PCDH15: variants seen among roughly 807,000 people sequenced by gnomAD.
PCDH15 encodes protocadherin related 15, also known as protocadherin-15.
Under a neutral mutation model 178.5 loss-of-function variants are expected in PCDH15, and 129 were observed. The ratio of observed to expected loss-of-function variants is 0.72; its 90% CI spans 0.63 to 0.84. The LOEUF is 0.84. PCDH15 is among the 40% of genes least tolerant of loss of function. PCDH15 has a pLI of 0.00. For synonymous variants in PCDH15, 800 were observed against 732.0 expected, an observed-to-expected ratio of 1.09 and a Z score of -1.50; for missense variants, 2,230 against 2,099.9, an observed-to-expected ratio of 1.06 and a Z score of -1.21.
At chr10:55,463,997 GAA>G (rs1491488102) in intron 2 of PCDH15, among the ~76,000 whole-genome samples, 4 of 18,564 alleles carry the variant, frequency 2.2e-4, no homozygotes, top group South Asian at 2.0e-3. Flanking sequence ...GAAAGAGAAA[GAA>G]AGAAAGAAAG....
intron 3 of PCDH15, among the ~76,000 whole-genome samples, chr10:54,402,813 T>C (rs1307032898): frequency 6.6e-6 from 1 of 151,940 alleles, no homozygotes. Flanking sequence ...TCTTTCTCCA[T>C]CTCTTCAGGC....
intron 1 of PCDH15, among the ~76,000 whole-genome samples, chr10:54,690,370 A>G (rs2095099089): frequency 7.1e-6 from 1 of 140,082 alleles, no homozygotes; most frequent in Non-Finnish European, 1.5e-5. Context: ...GCTGGAGTGC[A>G]GTGGCACCAT....
intron 2 of PCDH15, among the ~76,000 whole-genome samples, chr10:54,915,994 A>G (rs1157599193): frequency 6.6e-6 from 1 of 151,992 alleles, no homozygotes; most frequent in African/African-American, 2.4e-5. Context: ...GTGCCTGGCT[A>G]ATTTTTGTAT....
At chr10:53,821,398 A>G (rs1257969651) in intron 32 of PCDH15, 2 of 996,562 alleles carry the variant, frequency 2.0e-6, no homozygotes, top group South Asian at 4.3e-5. Flanking sequence ...TACCAAATAC[A>G]TAGGCTTCAA....
intron 2 of PCDH15, among the ~76,000 whole-genome samples, chr10:55,476,539 C>T (rs1259098880): frequency 6.6e-6 from 1 of 151,852 alleles, no homozygotes; most frequent in Non-Finnish European, 1.5e-5. Flanking sequence ...TGTTGCCATG[C>T]ATATAAAATA....
chr10:53,810,298 T>A lies in PCDH15; in HGVS notation c.4671+258A>T, dbSNP rs192152454. ...TATCTTTATGGAGCAAGATTTAGAA[T>A]TTTAGAAAACATAATTTTCATTGTG... On this transcript the variant is annotated intron_variant, in intron 37 of 37. Transcript: ENST00000644397. 1.6e-4 allele frequency among the ~76,000 whole-genome samples: 24 copies of A among 152,264 alleles called. No individual in the cohort carries two copies. In the East Asian group the frequency reaches 4.1e-3, roughly 26 times the overall value.
chr10:55,304,384 TAATTATTTGAGTTCC>T (rs2132281538), intron 1 of PCDH15, among the ~76,000 whole-genome samples: 1 of 152,318 alleles, frequency 6.6e-6, no homozygotes, highest in Non-Finnish European at 1.5e-5. Flanking sequence ...ACTGCACTGT[TAATTATTTGAGTTCC>T]ATGGTTCCTA....
chr10:54,527,895 C>T lies in PCDH15; in HGVS notation c.92-18G>A. ...TTTGCAATCTAAAGAGAGAAAATAACCAAAAGTAATAATTGACTGCAGGGG... is the reference window on the plus strand; with the variant it reads ...TTTGCAATCTAAAGAGAGAAAATAATCAAAAGTAATAATTGACTGCAGGGG... On this transcript the variant is annotated intron_variant, in intron 2 of 37. Transcript: ENST00000644397. The T allele has an allele frequency of 1.3e-6, 2 of 1,595,028 alleles. No individual in the cohort carries two copies. Among genetic ancestry groups the T allele is most frequent in the Non-Finnish European group, 1.7e-6 (2 of 1,163,452 alleles).
chr10:55,287,559 CAG>C (rs1030340397), intron 1 of PCDH15, among the ~76,000 whole-genome samples: 5 of 152,164 alleles, frequency 3.3e-5, no homozygotes, highest in African/African-American at 1.2e-4. Context: ...GAGTTGCATT[CAG>C]AGTAAGCTAG....
At position 54,417,375 on chromosome 10, in the gene PCDH15, G is replaced by A. The variant is rs148935645; in HGVS notation, c.158-38433C>T. Among the ~76,000 whole-genome samples, 939 of 152,010 alleles carry A rather than the reference G, an allele frequency of 6.2e-3. 3 individuals carry two copies. Among genetic ancestry groups the A allele is most frequent in the Non-Finnish European group, 9.4e-3 (642 of 68,018 alleles). On this transcript the variant is annotated intron_variant, in intron 3 of 37. Transcript: ENST00000644397. ...GAGATCTTAGTCTAGCATAAATGAC[G>A]AAATGGGGAGTGATAGAATAGAAAA...
At chr10:54,360,045 G>C (rs138963777) in intron 5 of PCDH15, among the ~76,000 whole-genome samples, 112 of 152,168 alleles carry the variant, frequency 7.4e-4, no homozygotes, top group African/African-American at 2.0e-3. Context: ...GTTTTCGTCT[G>C]AATAAACCTA....
Position 53,837,075 on chromosome 10 carries a change from C to T in PCDH15, c.3983+3245G>A, listed in dbSNP as rs111995448. ...AGTAAATATTATTCACACTAAAATA[C>T]AAAGAAAAAACTGTGTGTCTATGTG... is the stretch of plus-strand genomic sequence containing the variant. On this transcript the variant is annotated intron_variant, in intron 29 of 37. Transcript: ENST00000644397. 6.1e-3 allele frequency among the ~76,000 whole-genome samples: 705 copies of T among 114,958 alleles called. 13 individuals are homozygous for T. Among genetic ancestry groups the T allele is most frequent in the African/African-American group, 0.022 (652 of 29,822 alleles). The allele number at this position is 114,958 out of a possible 152,430, so 75.4% of individuals were successfully genotyped here. A position where few individuals can be genotyped will look rare whatever the true frequency, so the allele number is the denominator to read the frequency against.
chr10:54,974,356 TATG>T (rs1839014299), intron 2 of PCDH15, among the ~76,000 whole-genome samples: 1 of 152,026 alleles, frequency 6.6e-6, no homozygotes, highest in Non-Finnish European at 1.5e-5. Flanking sequence ...ATACATGATA[TATG>T]TATGCATATA....
intron 8 of PCDH15, among the ~76,000 whole-genome samples, chr10:54,304,807 A>G (rs1216041331): frequency 6.6e-6 from 1 of 152,076 alleles, no homozygotes; most frequent in Non-Finnish European, 1.5e-5. Flanking sequence ...AGCATCATGA[A>G]CTAACATCAC....
chr10:55,483,169 A>G (rs117601512), intron 2 of PCDH15, among the ~76,000 whole-genome samples: 2,761 of 151,998 alleles, frequency 0.018, 138 homozygotes, highest in Admixed American at 0.095. Context: ...GCACAGCAAA[A>G]GAAACTGTCA....
intron 29 of PCDH15, among the ~76,000 whole-genome samples, chr10:53,838,588 C>T (rs2077448623): frequency 1.3e-5 from 2 of 151,988 alleles, no homozygotes; most frequent in African/African-American, 4.8e-5. Flanking sequence ...ACACCCTAAA[C>T]TCAATCAATC....
chr10:55,583,021 A>C (rs1842654981), intron 2 of PCDH15, among the ~76,000 whole-genome samples: 1 of 152,064 alleles, frequency 6.6e-6, no homozygotes, highest in African/African-American at 2.4e-5. Context: ...CTTCTCCATA[A>C]ATTTTTGACC....
chr10:54,270,033 T>C (rs1402064599), intron 8 of PCDH15, among the ~76,000 whole-genome samples: 5 of 152,076 alleles, frequency 3.3e-5, no homozygotes, highest in African/African-American at 1.2e-4. Flanking sequence ...TTATCTTTGA[T>C]CTCTTTTAAC....
In PCDH15 at chr10:54,347,165, G is replaced by C. The variant is rs74774563; in HGVS notation, c.475-681C>G. ...TCTTAATTCTTACTTATGCCCACAA[G>C]AGAATCACCGTTATTTTTTTTTACC... On this transcript the variant is annotated intron_variant, in intron 5 of 37. Coordinates refer to ENST00000644397, the MANE Select transcript of PCDH15 (RefSeq NM_001384140.1). Among the ~76,000 whole-genome samples, 983 of 152,248 alleles carry C rather than the reference G, an allele frequency of 6.5e-3. 8 individuals are homozygous for C. Among genetic ancestry groups the C allele is most frequent in the African/African-American group, 0.022 (933 of 41,568 alleles).
Sources: allele counts gnomAD v4.1 joint callset (sites outside exome capture counted in the v4.1 genomes callset), GRCh38; gene constraint gnomAD v4.1.1; transcripts MANE v1.5; gene names NCBI Gene and HGNC (gene_info 2026-07-23, HGNC 2026-07-21).